The following RMP64 variants were observed in gnomAD, a reference collection of about 807,000 sequenced individuals.
RMP64 encodes the protein ribonuclease MRP subunit p64.
the RMP64 span, among the ~76,000 whole-genome samples, chr3:113,007,008 G>A: frequency 2.6e-5 from 4 of 152,102 alleles, no homozygotes; most frequent in South Asian, 6.2e-4. Context: ...CTATATCTGG[G>A]GGAGTACTGA....
chr3:113,008,410 T>C, the RMP64 span: 6 of 1,611,216 alleles, frequency 3.7e-6, no homozygotes, highest in South Asian at 5.5e-5. Flanking sequence ...ATTGAGAACA[T>C]TTAAAATCAA....
the RMP64 span, chr3:113,006,091 A>C: frequency 1.1e-6 from 1 of 884,608 alleles, no homozygotes; most frequent in Admixed American, 2.8e-5. Flanking sequence ...GAAAAGAAAA[A>C]TACACAACTT....
At chr3:113,019,186 G>A in the RMP64 span, 4 of 289,592 alleles carry the variant, frequency 1.4e-5, no homozygotes, top group African/African-American at 4.5e-5. Flanking sequence ...TGGACGGAAG[G>A]GTAAACAAGA....
At chr3:113,004,505 G>A in the RMP64 span, 2 of 152,172 alleles carry the variant, frequency 1.3e-5, no homozygotes, top group Non-Finnish European at 1.5e-5. Context: ...AGGAAAAGAA[G>A]GATGCGGTAC....
the RMP64 span, among the ~76,000 whole-genome samples, chr3:113,015,405 G>A: frequency 6.6e-6 from 1 of 152,204 alleles, no homozygotes; most frequent in Non-Finnish European, 1.5e-5. Context: ...ATAAGGCAGA[G>A]AGGGAGTGCT....
At chr3:113,010,724 G>A in the RMP64 span, 3 of 1,601,768 alleles carry the variant, frequency 1.9e-6, no homozygotes, top group Non-Finnish European at 2.6e-6. Context: ...TGGAAAAATT[G>A]CAGATACAAA....
the RMP64 span, chr3:113,011,398 T>A: frequency 6.4e-7 from 1 of 1,553,908 alleles, no homozygotes; most frequent in Non-Finnish European, 8.7e-7. Flanking sequence ...GACACCTTTA[T>A]AGAGAACCCT....
At chr3:113,003,332 A>G in the RMP64 span, 1 of 152,002 alleles carries the variant, frequency 6.6e-6, no homozygotes, top group East Asian at 1.9e-4. Flanking sequence ...ACAGCACAAG[A>G]CTCTGTCTCA....
chr3:113,018,266 G>C, the RMP64 span, among the ~76,000 whole-genome samples: 1 of 152,164 alleles, frequency 6.6e-6, no homozygotes, highest in Non-Finnish European at 1.5e-5. Context: ...GGAAGTAAAG[G>C]CTGGTTGCTA....
chr3:113,018,139 T>C, the RMP64 span, among the ~76,000 whole-genome samples: 2 of 152,322 alleles, frequency 1.3e-5, no homozygotes, highest in East Asian at 1.9e-4. Flanking sequence ...ATCGTATTAT[T>C]TGATGAACAC....
chr3:113,011,534 A>G, the RMP64 span: 1 of 755,406 alleles, frequency 1.3e-6, no homozygotes, highest in Non-Finnish European at 2.1e-6. Context: ...AAAAAACACT[A>G]TAGTGCACAC....
At chr3:113,017,031 C>T in the RMP64 span, among the ~76,000 whole-genome samples, 1 of 152,172 alleles carries the variant, frequency 6.6e-6, no homozygotes, top group Non-Finnish European at 1.5e-5. Flanking sequence ...TTATGTACCC[C>T]ATAATAAGTA....
At chr3:113,013,171 G>T in the RMP64 span, 4 of 1,262,090 alleles carry the variant, frequency 3.2e-6, no homozygotes, top group East Asian at 2.4e-5. Flanking sequence ...CCTGTAGGTT[G>T]TAACTCCTAT....
the RMP64 span, chr3:113,011,554 G>C: frequency 3.5e-6 from 2 of 573,024 alleles, no homozygotes; most frequent in Non-Finnish European, 5.9e-6. Flanking sequence ...CTTGCGAACA[G>C]CCAGATTAGT....
At chr3:113,008,043 T>C in the RMP64 span, 1 of 739,302 alleles carries the variant, frequency 1.4e-6, no homozygotes, top group African/African-American at 1.8e-5. Context: ...AATTGCAGTT[T>C]GAGTACATCC....
At chr3:113,013,104 T>C in the RMP64 span, 1 of 696,594 alleles carries the variant, frequency 1.4e-6, no homozygotes, top group African/African-American at 1.8e-5. Context: ...TCTCTGGCAA[T>C]GGCTGCATCA....
At chr3:113,008,078 G>T in the RMP64 span, 1 of 1,170,476 alleles carries the variant, frequency 8.5e-7, no homozygotes, top group Non-Finnish European at 1.2e-6. Flanking sequence ...TGCGGCTGCT[G>T]GACATCACAT....
the RMP64 span, chr3:113,003,833 A>C: frequency 6.6e-6 from 1 of 152,200 alleles, no homozygotes; most frequent in Non-Finnish European, 1.5e-5. Flanking sequence ...CAAGTAGGAG[A>C]AGCAAGACTG....
the RMP64 span, chr3:113,005,679 TCTC>T: frequency 6.2e-7 from 1 of 1,614,050 alleles, no homozygotes; most frequent in Non-Finnish European, 8.5e-7. Flanking sequence ...TGAATCATTT[TCTC>T]CTTAGTTTGT....
Sources: gnomAD v4.1 joint callset for allele counts (sites outside exome capture counted in the v4.1 genomes callset) on GRCh38, gnomAD v4.1.1 for gene constraint, MANE v1.5 for transcripts, NCBI Gene and HGNC (gene_info 2026-07-23, HGNC 2026-07-21) for gene names.